Variants in RAP1GAP2 observed in about 807,000 individuals in gnomAD.
RAP1GAP2 encodes the protein rap1 GTPase-activating protein 2.
In RAP1GAP2, 27 loss-of-function variants were observed where a neutral mutation model predicts 95.0. The ratio of observed to expected loss-of-function variants is 0.28; its 90% confidence interval spans 0.21 to 0.39. The LOEUF is 0.39. Ranked by LOEUF, RAP1GAP2 falls within the 10% of genes least tolerant of loss-of-function variation. RAP1GAP2 has a pLI of 1.00. For synonymous variants in RAP1GAP2, 373 were observed against 380.9 expected (o/e 0.98, Z 0.24); for missense variants, 771 against 970.0 (o/e 0.79, Z 2.72).
rs1447027186 is a variant in RAP1GAP2 at position 3,033,169 on chromosome 17, C to T, written c.*31-223C>T. ...ACCTTCACCCCCGGCTCCCATCACG[C>T]ACTCTGGACGCCACTGCCCACCAAA... is the stretch of plus-strand genomic sequence containing the variant. On this transcript the variant is annotated intron_variant, in intron 24 of 24. Coordinates refer to ENST00000254695, the MANE Select transcript of RAP1GAP2 (RefSeq NM_015085.5). The surrounding 1 kb of genome is among the most constrained non-coding windows in gnomAD (Gnocchi z 4.9). 5.2e-5 allele frequency: 8 copies of T among 152,670 alleles called. No homozygotes were observed. Among genetic ancestry groups the T allele is most frequent in the African/African-American group, 9.7e-5 (4 of 41,448 alleles). The allele number at this position is 152,670 out of a possible 1,614,324, so 9.5% of individuals were successfully genotyped here.
At chr17:2,945,229 GTTTAT>G (rs1183851743) in intron 3 of RAP1GAP2, among the ~76,000 whole-genome samples, 1 of 151,434 alleles carries the variant, frequency 6.6e-6, no homozygotes, top group African/African-American at 2.4e-5. Flanking sequence ...TTTATTGATT[GTTTAT>G]TTTAATTTAT....
At chr17:2,882,849 C>T (rs145201787) in intron 2 of RAP1GAP2, among the ~76,000 whole-genome samples, 4 of 152,334 alleles carry the variant, frequency 2.6e-5, no homozygotes, top group East Asian at 1.9e-4. Flanking sequence ...GGGACTCAAA[C>T]GTGACTGATT....
intron 1 of RAP1GAP2, among the ~76,000 whole-genome samples, chr17:2,780,988 G>T (rs1370058838): frequency 6.6e-6 from 1 of 152,158 alleles, no homozygotes; most frequent in East Asian, 1.9e-4. Flanking sequence ...ACCCTTCAGG[G>T]ATTCCAGATG....
intron 8 of RAP1GAP2, among the ~76,000 whole-genome samples, chr17:2,966,935 G>T (rs1037311207): frequency 3.3e-5 from 5 of 152,110 alleles, no homozygotes; most frequent in Non-Finnish European, 7.4e-5. Flanking sequence ...ATGCTGCTTC[G>T]GGGCTGAAAG....
chr17:3,010,848 C>T lies in RAP1GAP2; in HGVS notation c.1494+2703C>T, dbSNP rs8064479. Among the ~76,000 whole-genome samples the T allele has an allele frequency of 3.6e-3, 555 of 152,226 alleles. 6 individuals are homozygous for T. Among genetic ancestry groups the T allele is most frequent in the African/African-American group, 0.013 (520 of 41,514 alleles). On this transcript the variant is annotated intron_variant, in intron 17 of 24. Transcript: ENST00000254695. Reference sequence around the variant, plus strand: ...ACCTACCTGAGGTAGCACCGTGGGGCGTGGGAGAGACTGTGACAGTCACAC... The same window carrying T: ...ACCTACCTGAGGTAGCACCGTGGGGTGTGGGAGAGACTGTGACAGTCACAC...
At chr17:2,810,404 A>G (rs1378104548) in intron 2 of RAP1GAP2, among the ~76,000 whole-genome samples, 1 of 151,146 alleles carries the variant, frequency 6.6e-6, no homozygotes, top group Non-Finnish European at 1.5e-5. Context: ...GTACATGTGC[A>G]CAACATGCAG....
intron 2 of RAP1GAP2, among the ~76,000 whole-genome samples, chr17:2,854,365 T>C (rs1367797716): frequency 3.3e-5 from 5 of 152,168 alleles, no homozygotes; most frequent in Non-Finnish European, 7.4e-5. Flanking sequence ...CCCAAGTCCG[T>C]CGCCCCCAGA....
At chr17:2,969,496 C>CTTTTTTTTTTTTTTTTTTTTT (rs34468461) in intron 8 of RAP1GAP2, among the ~76,000 whole-genome samples, 7 of 83,782 alleles carry the variant, frequency 8.4e-5, no homozygotes, top group African/African-American at 3.2e-4. Context: ...TATATATATT[C>CTTTTTTTTTTTTTTTTTTTTT]TTTTTTTTTT....
rs745873916 is a variant in RAP1GAP2 at position 2,965,620 on chromosome 17, C to T, written c.573C>T (p.Ile191=). The change falls in exon 8 of 25, where the codon ATC becomes ATT. Residue 191 remains isoleucine, a synonymous_variant. Coordinates refer to ENST00000254695, the MANE Select transcript of RAP1GAP2 (RefSeq NM_015085.5). The surrounding 1 kb of genome is among the most constrained non-coding windows in gnomAD (Gnocchi z 4.7). ...TCAAGTGCGAGGAAGCAGAGGGGAT[C>T]GAGTACCTCCGGGTCATCCTTAGGT... ...LSVKCEEAEG[I]EYLRVILRSK... 2.3e-5 allele frequency: 37 copies of T among 1,610,522 alleles called. No individual in the cohort carries two copies. The highest frequency in any genetic ancestry group is 2.9e-5 in the Non-Finnish European group (34 of 1,178,642).
rs148796932 is a variant in RAP1GAP2, at chr17:2,973,746, G to A, written c.597-6541G>A. Among the ~76,000 whole-genome samples, 575 of 152,220 alleles carry A rather than the reference G, an allele frequency of 3.8e-3. 20 individuals carry two copies. The East Asian group carries it at 0.069, about 18-fold the overall frequency. ...CCAGCATGTGTCATAAAGACGTTCC[G>A]GAAGGAAAGAATAAACTAGTGAACA... On this transcript the variant is annotated intron_variant, in intron 8 of 24. Transcript: ENST00000254695.
rs375729649 is a variant in RAP1GAP2 at position 2,823,526 on chromosome 17, A to G, written c.80+22976A>G. ...TAGCCCACCTGAGTATTGAGCATACACTATCGTCTCTGCAGTGGAGGTGGT... is the reference window on the plus strand; with the variant it reads ...TAGCCCACCTGAGTATTGAGCATACGCTATCGTCTCTGCAGTGGAGGTGGT... On this transcript the variant is annotated intron_variant, in intron 2 of 24. Coordinates refer to ENST00000254695, the MANE Select transcript of RAP1GAP2 (RefSeq NM_015085.5). 3.0e-4 allele frequency among the ~76,000 whole-genome samples: 46 copies of G among 152,294 alleles called. No individual in the cohort carries two copies. In the East Asian group the frequency reaches 6.4e-3, roughly 21 times the overall value.
chr17:2,788,440 T>C (rs937971255), intron 1 of RAP1GAP2, among the ~76,000 whole-genome samples: 15 of 152,210 alleles, frequency 9.9e-5, no homozygotes, highest in Non-Finnish European at 1.8e-4. Flanking sequence ...GGATTACAGG[T>C]GCCCGCCACC....
intron 2 of RAP1GAP2, among the ~76,000 whole-genome samples, chr17:2,819,425 C>A (rs2070183011): frequency 6.6e-6 from 1 of 151,276 alleles, no homozygotes; most frequent in South Asian, 2.1e-4. Context: ...AAGTGATTCT[C>A]TTGCATCAGC....
chr17:2,774,544 C>T (rs1208076100), upstream of RAP1GAP2, among the ~76,000 whole-genome samples: 2 of 142,188 alleles, frequency 1.4e-5, no homozygotes, highest in Non-Finnish European at 3.0e-5. Flanking sequence ...TGCAGTAGTG[C>T]GATCTGCAAT....
At chr17:2,929,100 G>A (rs146950421) in intron 3 of RAP1GAP2, among the ~76,000 whole-genome samples, 2,394 of 152,280 alleles carry the variant, frequency 0.016, 55 homozygotes, top group African/African-American at 0.053. Flanking sequence ...GGGCATGGAG[G>A]TGCACCCCTG....
At chr17:2,836,112 C>T (rs973337401) in intron 2 of RAP1GAP2, among the ~76,000 whole-genome samples, 1 of 152,046 alleles carries the variant, frequency 6.6e-6, no homozygotes, top group African/African-American at 2.4e-5. Flanking sequence ...ATGTCGCCTT[C>T]GGGGGGTGCT....
In RAP1GAP2 at chr17:3,005,408, C is replaced by T; in HGVS notation, c.1240C>T (p.Pro414Ser). ...GCGGGAAGATGTGCCCACCTTTGGTCCACCTCTGCCCAGTCCCCCCGTTTT... is the reference window on the plus strand; with the variant it reads ...GCGGGAAGATGTGCCCACCTTTGGTTCACCTCTGCCCAGTCCCCCCGTTTT... ...TAREDVPTFGPPLPSPPVFQK... is the reference protein window; with the variant it reads ...TAREDVPTFGSPLPSPPVFQK... The change falls in exon 15 of 25, where the codon CCA becomes TCA. Residue 414 changes from proline (P) to serine (S), a missense_variant. By Grantham distance (74) the Pro-to-Ser change is moderately conservative. Coordinates refer to ENST00000254695, the MANE Select transcript of RAP1GAP2 (RefSeq NM_015085.5). This position sits in a 1 kb window ranked among gnomAD's most constrained non-coding sequence, Gnocchi z 5.2. 6.2e-7 allele frequency: 1 copy of T among 1,613,874 alleles called. No individual in the cohort carries two copies. The highest frequency in any genetic ancestry group is 1.3e-5 in the African/African-American group (1 of 75,050).
rs902958829 is a variant in RAP1GAP2, at chr17:2,942,961, G to A, written c.166-14798G>A. Among the ~76,000 whole-genome samples the A allele has an allele frequency of 4.6e-5, 7 of 151,904 alleles. 1 individual carries two copies. Among genetic ancestry groups the A allele is most frequent in the Admixed American group, 1.3e-4 (2 of 15,234 alleles). On this transcript the variant is annotated intron_variant, in intron 3 of 24. Coordinates refer to ENST00000254695, the MANE Select transcript of RAP1GAP2 (RefSeq NM_015085.5). ...TTTTTGTATTTTTAGTAGAGATGGG[G>A]TTTCACCATGTTGGTCAGGCTGGTC...
At chr17:2,846,200 A>G (rs1215726203) in intron 2 of RAP1GAP2, among the ~76,000 whole-genome samples, 3 of 151,932 alleles carry the variant, frequency 2.0e-5, no homozygotes. Flanking sequence ...AAAAAAAAAA[A>G]AAGTTCTCAT....
Sources: allele counts gnomAD v4.1 joint callset (sites outside exome capture counted in the v4.1 genomes callset), GRCh38; gene constraint gnomAD v4.1.1; non-coding constraint Gnocchi (gnomAD v3.1); transcripts MANE v1.5; gene names NCBI Gene and HGNC (gene_info 2026-07-23, HGNC 2026-07-21).